ANO10: variants seen among roughly 807,000 people sequenced by gnomAD.
ANO10 encodes the protein anoctamin 10, also known as anoctamin-10.
A neutral mutation model predicts 74.7 loss-of-function variants in ANO10; 77 were observed. The observed-to-expected ratio is 1.03, with a 90% CI of 0.86 to 1.25. The LOEUF is 1.25. Among genes scored for constraint, ANO10 ranks in the 50% most tolerant of loss-of-function variants. The pLI, the probability that ANO10 is intolerant of heterozygous loss-of-function variation, is 0.00. For missense variants in ANO10, 721 were observed against 778.1 expected, an observed-to-expected ratio of 0.93 and a Z score of 0.87; for synonymous variants, 279 against 284.9, an observed-to-expected ratio of 0.98 and a Z score of 0.21.
intron 1 of ANO10, among the ~76,000 whole-genome samples, chr3:43,667,326 T>C (rs1254371327): frequency 6.6e-6 from 1 of 152,128 alleles, no homozygotes; most frequent in Non-Finnish European, 1.5e-5. Flanking sequence ...GCTGACCTCA[T>C]GATACGCTCA....
At chr3:43,394,311 C>A (rs952828789) in intron 12 of ANO10, among the ~76,000 whole-genome samples, 2 of 152,130 alleles carry the variant, frequency 1.3e-5, no homozygotes, top group Non-Finnish European at 2.9e-5. Context: ...GCCTGGCAGG[C>A]AGCCACCCCT....
intron 12 of ANO10, among the ~76,000 whole-genome samples, chr3:43,382,533 A>G (rs866004339): frequency 5.4e-5 from 8 of 147,718 alleles, no homozygotes; most frequent in Non-Finnish European, 1.2e-4. Context: ...AAAAAAAAAA[A>G]GAAATAACCA....
At chr3:43,572,673 C>T (rs1041170492) in intron 7 of ANO10, among the ~76,000 whole-genome samples, 40 of 152,192 alleles carry the variant, frequency 2.6e-4, no homozygotes, top group Admixed American at 2.4e-3. Flanking sequence ...GTTCCCTGCT[C>T]AAGAACCTAT....
At chr3:43,441,515 A>T (rs2093159752) in intron 11 of ANO10, among the ~76,000 whole-genome samples, 1 of 152,066 alleles carries the variant, frequency 6.6e-6, no homozygotes, top group African/African-American at 2.4e-5. Context: ...AATCAGTAAT[A>T]AAAAACCTAC....
At chr3:43,674,068 TG>T (rs1271414157) in intron 1 of ANO10, among the ~76,000 whole-genome samples, 1 of 152,202 alleles carries the variant, frequency 6.6e-6, no homozygotes, top group Non-Finnish European at 1.5e-5. Flanking sequence ...CACATGTTAA[TG>T]GGAAGATTTA....
intron 4 of ANO10, among the ~76,000 whole-genome samples, chr3:43,592,162 C>A (rs1433656630): frequency 6.6e-6 from 1 of 152,236 alleles, no homozygotes; most frequent in Non-Finnish European, 1.5e-5. Flanking sequence ...GTAGACTCCA[C>A]CTCTGGGGGC....
chr3:43,378,056 G>GAAAGTTA (rs1198300299), intron 12 of ANO10, among the ~76,000 whole-genome samples: 1 of 152,216 alleles, frequency 6.6e-6, no homozygotes, highest in African/African-American at 2.4e-5. Flanking sequence ...ACTCAGTTTA[G>GAAAGTTA]AAAGTTAAAG....
chr3:43,560,962 C>T (rs578192480), intron 9 of ANO10, among the ~76,000 whole-genome samples: 124 of 152,288 alleles, frequency 8.1e-4, no homozygotes, highest in African/African-American at 2.8e-3. Flanking sequence ...CCCTGCTCTC[C>T]GCAAAGCAAA....
intron 1 of ANO10, chr3:43,636,660 T>A (rs1050716406): frequency 3.9e-5 from 6 of 152,226 alleles, no homozygotes; most frequent in Non-Finnish European, 7.3e-5. Flanking sequence ...ACACAATGAA[T>A]TTAATATTTC....
intron 11 of ANO10, among the ~76,000 whole-genome samples, chr3:43,483,228 G>A (rs536103587): frequency 7.9e-5 from 12 of 152,208 alleles, no homozygotes; most frequent in African/African-American, 2.2e-4. Flanking sequence ...GACTTCCTGC[G>A]TAACTCTAGC....
chr3:43,649,718 C>G (rs1437625926), intron 1 of ANO10, among the ~76,000 whole-genome samples: 1 of 152,194 alleles, frequency 6.6e-6, no homozygotes, highest in Non-Finnish European at 1.5e-5. Context: ...GGGATCCAAA[C>G]TCAGGCTAAG....
chr3:43,391,560 G>T (rs1352331326), intron 12 of ANO10, among the ~76,000 whole-genome samples: 2 of 152,190 alleles, frequency 1.3e-5, no homozygotes, highest in Admixed American at 6.5e-5. Flanking sequence ...ATTGCACCTA[G>T]TGACTCATTT....
chr3:43,658,245 G>C (rs1459895601), intron 1 of ANO10, among the ~76,000 whole-genome samples: 1 of 152,024 alleles, frequency 6.6e-6, no homozygotes, highest in Non-Finnish European at 1.5e-5. Flanking sequence ...AAATGGATAG[G>C]TCATCGAGAA....
At chr3:43,429,579 G>A (rs1405457200) in intron 12 of ANO10, among the ~76,000 whole-genome samples, 3 of 152,036 alleles carry the variant, frequency 2.0e-5, no homozygotes, top group Non-Finnish European at 2.9e-5. Context: ...CCAGAGACAA[G>A]GCTGTACATT....
intron 11 of ANO10, chr3:43,485,258 A>G: frequency 1.6e-6 from 1 of 625,526 alleles, no homozygotes; most frequent in Non-Finnish European, 2.9e-6. Flanking sequence ...AGGCAGGACT[A>G]GCTGCTGTTT....
chr3:43,402,855 A>G (rs2092508528), intron 12 of ANO10, among the ~76,000 whole-genome samples: 1 of 152,160 alleles, frequency 6.6e-6, no homozygotes, highest in Non-Finnish European at 1.5e-5. Context: ...ACACCAAATA[A>G]ACAGATTACC....
intron 1 of ANO10, among the ~76,000 whole-genome samples, chr3:43,617,116 C>T (rs1179777826): frequency 6.7e-6 from 1 of 149,784 alleles, no homozygotes; most frequent in East Asian, 1.9e-4. Context: ...CTGGAATCTA[C>T]TTTTACCAGA....
At chr3:43,466,392 C>CAAACAAAA (rs1553677088) in intron 11 of ANO10, among the ~76,000 whole-genome samples, 4 of 124,828 alleles carry the variant, frequency 3.2e-5, no homozygotes, top group African/African-American at 6.0e-5. Flanking sequence ...AAAAAACAAA[C>CAAACAAAA]AAAAAAACCA....
chr3:43,685,791 C>CT (rs1196974840), intron 1 of ANO10, among the ~76,000 whole-genome samples: 1 of 152,164 alleles, frequency 6.6e-6, no homozygotes, highest in African/African-American at 2.4e-5. Context: ...TCTGAAAAGG[C>CT]TTTTTTCATC....
Sources: allele counts gnomAD v4.1 joint callset (sites outside exome capture counted in the v4.1 genomes callset), GRCh38; gene constraint gnomAD v4.1.1; transcripts MANE v1.5; gene names NCBI Gene and HGNC (gene_info 2026-07-23, HGNC 2026-07-21).